Variants in APOD observed in about 807,000 individuals in gnomAD.
APOD encodes the protein apolipoprotein D.
A neutral mutation model predicts 20.4 loss-of-function variants in APOD; 22 were observed. That is an observed-to-expected ratio of 1.08 (90% CI 0.77 to 1.54). APOD has a LOEUF of 1.54. APOD is among the 40% of genes most tolerant of loss of function. The pLI is 0.00. For synonymous variants in APOD, 97 were observed against 92.4 expected (o/e 1.05, Z -0.29); for missense variants, 223 against 229.6 (o/e 0.97, Z 0.19).
At chr3:195,575,132 G>A (rs920245715) in intron 2 of APOD, among the ~76,000 whole-genome samples, 2 of 152,158 alleles carry the variant, frequency 1.3e-5, no homozygotes, top group African/African-American at 4.8e-5. Context: ...TCTACAGGCC[G>A]CCTACATTCC....
At chr3:195,570,157 A>G (rs988685916) in intron 4 of APOD, among the ~76,000 whole-genome samples, 3 of 152,148 alleles carry the variant, frequency 2.0e-5, no homozygotes, top group Admixed American at 1.3e-4. Flanking sequence ...TTATGCATGT[A>G]ATAGTTAGCT....
chr3:195,569,602 C>G (rs1043807560), intron 4 of APOD, among the ~76,000 whole-genome samples: 1 of 152,016 alleles, frequency 6.6e-6, no homozygotes, highest in African/African-American at 2.4e-5. Context: ...AATAAATTTA[C>G]CCAGATACAA....
chr3:195,576,007 G>A (rs989981235), intron 2 of APOD, among the ~76,000 whole-genome samples: 24 of 152,206 alleles, frequency 1.6e-4, no homozygotes, highest in African/African-American at 5.1e-4. Context: ...GCACACAGGT[G>A]AGTATTGCTT....
intron 3 of APOD, among the ~76,000 whole-genome samples, chr3:195,572,217 G>A (rs1720173138): frequency 6.6e-6 from 1 of 152,230 alleles, no homozygotes; most frequent in African/African-American, 2.4e-5. Context: ...GACATCGCCT[G>A]TCCCATCAAG....
At chr3:195,580,968 TA>T (rs1472380149) in intron 1 of APOD, among the ~76,000 whole-genome samples, 1 of 152,226 alleles carries the variant, frequency 6.6e-6, no homozygotes, top group African/African-American at 2.4e-5. Context: ...GCACACGAGC[TA>T]TTTCCAGCTC....
chr3:195,578,692 C>T (rs890658156), intron 2 of APOD, among the ~76,000 whole-genome samples: 4 of 152,126 alleles, frequency 2.6e-5, no homozygotes, highest in Non-Finnish European at 4.4e-5. Context: ...TTTCCTGAGC[C>T]CTGTTTGAGT....
chr3:195,573,862 T>A lies in APOD; in HGVS notation c.233A>T (p.Asn78Ile), dbSNP rs1360931908. The change falls in exon 3 of 5, where the codon AAC becomes ATC. Residue 78 changes from asparagine (N) to isoleucine (I), a missense_variant. Physicochemically the swap from Asn to Ile is moderately radical, Grantham distance 149. Coordinates refer to ENST00000343267, the MANE Select transcript of APOD (RefSeq NM_001647.4). The part of the protein sequence containing the change: ...LMENGKIKVL[N>I]QELRADGTVN... ...CACAGCCACTCACCTCAACTCCTGG[T>A]TTAACACTTTGATCTTTCCGTTTTC... The A allele has an allele frequency of 1.2e-6, 2 of 1,614,162 alleles. No individual in the cohort carries two copies. Among genetic ancestry groups the A allele is most frequent in the African/African-American group, 2.7e-5 (2 of 75,050 alleles).
At position 195,579,428 on chromosome 3, in the gene APOD, C is replaced by G; in HGVS notation, c.34G>C (p.Ala12Pro). The change falls in exon 2 of 5, where the codon GCT becomes CCT. Residue 12 changes from alanine (A) to proline (P), a missense_variant. Ala to Pro is a conservative substitution (Grantham distance 27). Transcript: ENST00000343267. The stretch of plus-strand genomic sequence containing the variant: ...CCCTCTGCCGCACCGAAGAGGCCAG[C>G]CAGTGCGGAAAGCAGCAGCAGCAGC... The part of the protein sequence containing the change: ...VMLLLLLSAL[A>P]GLFGAAEGQA... The G allele has an allele frequency of 6.2e-7, 1 of 1,613,980 alleles. No homozygotes were observed. Among genetic ancestry groups the G allele is most frequent in the Non-Finnish European group, 8.5e-7 (1 of 1,180,028 alleles).
chr3:195,573,030 A>G (rs1368489646), intron 3 of APOD, among the ~76,000 whole-genome samples: 2 of 152,130 alleles, frequency 1.3e-5, no homozygotes, highest in Non-Finnish European at 2.9e-5. Flanking sequence ...CTCCTCTCTC[A>G]TCTGGATCTC....
intron 3 of APOD, among the ~76,000 whole-genome samples, chr3:195,571,631 A>T (rs982602809): frequency 2.6e-5 from 4 of 152,122 alleles, no homozygotes; most frequent in Non-Finnish European, 5.9e-5. Context: ...AAGCTCCAGG[A>T]TGGGACAGTA....
At chr3:195,579,802 C>A (rs1720304483) in intron 1 of APOD, among the ~76,000 whole-genome samples, 1 of 152,212 alleles carries the variant, frequency 6.6e-6, no homozygotes, top group South Asian at 2.1e-4. Context: ...TAGTTCTCCT[C>A]AGAATCACCC....
At chr3:195,571,505 A>T in intron 3 of APOD, 140 bp from the exon 4 acceptor site, 1 of 722,026 alleles carries the variant, frequency 1.4e-6, no homozygotes, top group Non-Finnish European at 2.3e-6. Context: ...TTCTGGTAAG[A>T]GAGGCTCTCA....
At chr3:195,574,042 G>A (rs553993292) in intron 2 of APOD, 71 bp from the exon 3 acceptor site, 1 of 1,584,104 alleles carries the variant, frequency 6.3e-7, no homozygotes, top group East Asian at 2.3e-5. Flanking sequence ...CCATTGTCGT[G>A]CAGACGCAGA....
chr3:195,569,406 G>A (rs192199325), intron 4 of APOD, among the ~76,000 whole-genome samples: 31 of 152,198 alleles, frequency 2.0e-4, no homozygotes, highest in African/African-American at 7.0e-4. Context: ...GAGAGACAGC[G>A]TTATAGTCAT....
At chr3:195,572,041 A>G (rs1720169681) in intron 3 of APOD, among the ~76,000 whole-genome samples, 1 of 152,212 alleles carries the variant, frequency 6.6e-6, no homozygotes, top group African/African-American at 2.4e-5. Flanking sequence ...TCAGCCTCCC[A>G]AAGTGCTGGG....
chr3:195,583,425 C>T (rs769977371), intron 1 of APOD, among the ~76,000 whole-genome samples: 18 of 152,186 alleles, frequency 1.2e-4, no homozygotes, highest in South Asian at 2.1e-4. Context: ...TAACAAGACA[C>T]GTATCTCCCA....
intron 3 of APOD, among the ~76,000 whole-genome samples, chr3:195,572,822 C>T (rs965917752): frequency 6.6e-6 from 1 of 151,674 alleles, no homozygotes; most frequent in African/African-American, 2.4e-5. Flanking sequence ...ACCAGCCTGG[C>T]CAACACAGTG....
At chr3:195,571,104 G>T in intron 4 of APOD, 173 bp downstream of exon 4, 1 of 660,222 alleles carries the variant, frequency 1.5e-6, no homozygotes, top group Non-Finnish European at 2.7e-6. Flanking sequence ...GCTCTGTCCG[G>T]CTCATCATGG....
intron 2 of APOD, 102 bp downstream of exon 2, chr3:195,579,237 C>G: frequency 1.3e-6 from 2 of 1,526,898 alleles, no homozygotes; most frequent in Non-Finnish European, 1.8e-6. Flanking sequence ...ATACTTGTCC[C>G]AAGGTGTGCA....
Sources: allele counts gnomAD v4.1 joint callset (sites outside exome capture counted in the v4.1 genomes callset), GRCh38; gene constraint gnomAD v4.1.1; transcripts MANE v1.5; gene names NCBI Gene and HGNC (gene_info 2026-07-23, HGNC 2026-07-21).